The following BCL6 variants were observed in gnomAD, a reference collection of about 807,000 sequenced individuals.
The protein encoded by BCL6 is B-cell lymphoma 6 protein.
Under a neutral mutation model 59.5 loss-of-function variants are expected in BCL6, and 7 were observed. The ratio of observed to expected loss-of-function variants is 0.12; its 90% CI spans 0.07 to 0.22. The LOEUF is 0.22. Among genes scored for constraint, BCL6 ranks in the 10% least tolerant of loss-of-function variants. The probability of loss-of-function intolerance (pLI) is 1.00; values close to 1 mark genes in which losing one functional copy is unlikely to be tolerated. For synonymous variants in BCL6, 339 were observed against 349.7 expected (o/e 0.97, Z 0.34); for missense variants, 685 against 939.4 (o/e 0.73, Z 3.54).
intron 1 of BCL6, among the ~76,000 whole-genome samples, chr3:187,743,820 T>C (rs1711725581): frequency 7.3e-6 from 1 of 137,476 alleles, no homozygotes; most frequent in Admixed American, 8.1e-5. Context: ...CCGCCGCGCC[T>C]TCCCCCATTC....
At chr3:187,735,733 G>T (rs138328237) in intron 1 of BCL6, among the ~76,000 whole-genome samples, 19 of 152,002 alleles carry the variant, frequency 1.2e-4, no homozygotes, top group Admixed American at 3.9e-4. Flanking sequence ...CTTCCAAACC[G>T]GCTTCTCTAA....
At position 187,725,097 on chromosome 3, in the gene BCL6, A is replaced by AT. The variant is rs1431766861; in HGVS notation, c.1840-20dup. ...GGGCCACCTGAACGAAGAAGAAGGC[A>AT]TGAGAGGTCTTCTGGGGTGGGCTGC... On this transcript the variant is annotated intron_variant, in intron 8 of 9. Coordinates refer to ENST00000406870, the MANE Select transcript of BCL6 (RefSeq NM_001706.5). This position sits in a 1 kb window ranked among gnomAD's most constrained non-coding sequence, Gnocchi z 4.7. The AT allele has an allele frequency of 1.9e-6, 3 of 1,613,506 alleles. No homozygotes were observed. The highest frequency in any genetic ancestry group is 2.5e-6 in the Non-Finnish European group (3 of 1,179,974).
chr3:187,740,132 C>T (rs1711535086), intron 1 of BCL6, among the ~76,000 whole-genome samples: 4 of 152,162 alleles, frequency 2.6e-5, no homozygotes, highest in African/African-American at 9.7e-5. Flanking sequence ...CATGCGGACG[C>T]GCGTTTGCCA....
intron 1 of BCL6, among the ~76,000 whole-genome samples, chr3:187,745,177 T>A (rs563752205): frequency 1.3e-5 from 2 of 152,260 alleles, no homozygotes; most frequent in East Asian, 1.9e-4. Flanking sequence ...GACGTGGGAC[T>A]AATCTTCGGC....
rs547580132 is a variant in BCL6 at position 187,726,935 on chromosome 3, C to A, written c.1541-37G>T. On this transcript the variant is annotated intron_variant, in intron 6 of 9. Coordinates refer to ENST00000406870, the MANE Select transcript of BCL6 (RefSeq NM_001706.5). ...TGGTAGGGGGACACCAAAGTCAGCACGAGGAAGGGAGGTAGGGCTCTAAGG... is the reference window on the plus strand; with the variant it reads ...TGGTAGGGGGACACCAAAGTCAGCAAGAGGAAGGGAGGTAGGGCTCTAAGG... The A allele has an allele frequency of 3.1e-6, 5 of 1,608,418 alleles. No homozygotes were observed. In the East Asian group the frequency reaches 8.9e-5, roughly 29 times the overall value.
At position 187,729,885 on chromosome 3, in the gene BCL6, C is replaced by T. The variant is rs370494696; in HGVS notation, c.520G>A (p.Gly174Arg). 3.7e-6 allele frequency: 6 copies of T among 1,614,030 alleles called. No individual in the cohort carries two copies. The highest frequency in any genetic ancestry group is 5.1e-6 in the Non-Finnish European group (6 of 1,180,042). Residue 174 changes from glycine to arginine, a missense_variant, in exon 5 of 10, where the codon GGG becomes AGG. This residue lies in a region of BCL6 where 268 missense variants were observed against 263.8 expected (regional missense o/e 1.02). Transcript: ENST00000406870. This position sits in a 1 kb window ranked among gnomAD's most constrained non-coding sequence, Gnocchi z 5.6. ...GGGGCAAAGGCTCTGCTCTCACACC[C>T]AGGGGCGCTCCTCAGTGGCAGGTTG... Reference protein sequence around the residue: ...ENNLPLRSAPGCESRAFAPSL... With the variant: ...ENNLPLRSAPRCESRAFAPSL...
intron 1 of BCL6, chr3:187,736,100 C>T (rs1445715518): frequency 6.6e-6 from 1 of 152,160 alleles, no homozygotes; most frequent in East Asian, 1.9e-4. Context: ...CAAATGAGCA[C>T]TCTAAAATGA....
At chr3:187,739,668 A>G (rs556240304) in intron 1 of BCL6, among the ~76,000 whole-genome samples, 2 of 152,242 alleles carry the variant, frequency 1.3e-5, no homozygotes, top group African/African-American at 4.8e-5. Context: ...TGCAGAAGGG[A>G]CGTTCCCCAT....
intron 1 of BCL6, among the ~76,000 whole-genome samples, chr3:187,738,448 C>T (rs1560157090): frequency 6.6e-6 from 1 of 152,160 alleles, no homozygotes; most frequent in African/African-American, 2.4e-5. Flanking sequence ...GTCTTTAGAA[C>T]AGGAGCTGCC....
In BCL6 at chr3:187,725,431, C is replaced by T. The variant is rs1032985614; in HGVS notation, c.1839+68G>A. ...GCCTGCCCACTCCTCCGCTTGCCTG[C>T]CCACTCCTCCGCTCGCCTGCCCGCT... On this transcript the variant is annotated intron_variant, in intron 8 of 9. Transcript: ENST00000406870. This position sits in a 1 kb window ranked among gnomAD's most constrained non-coding sequence, Gnocchi z 4.7. 2.5e-6 allele frequency: 4 copies of T among 1,589,558 alleles called. No homozygotes were observed. Among genetic ancestry groups the T allele is most frequent in the Non-Finnish European group, 3.4e-6 (4 of 1,166,312 alleles).
intron 1 of BCL6, among the ~76,000 whole-genome samples, chr3:187,738,647 G>A (rs917853787): frequency 1.3e-5 from 2 of 152,182 alleles, no homozygotes; most frequent in Non-Finnish European, 2.9e-5. Context: ...AGCAGGCTCC[G>A]GGGTGCGCTT....
intron 1 of BCL6, among the ~76,000 whole-genome samples, chr3:187,744,540 T>G (rs180925131): frequency 2.0e-5 from 3 of 152,182 alleles, no homozygotes; most frequent in Non-Finnish European, 2.9e-5. Context: ...AAGGAAATAG[T>G]AGACACGATA....
rs149370347 is a variant in BCL6, at chr3:187,723,768, C to G, written c.1978-1167G>C. On this transcript the variant is annotated intron_variant, in intron 9 of 9. Transcript: ENST00000406870. ...GTCCCCAGCATGTCATTTCACTCTC[C>G]GGGCCTTGGATCTCCCTTCTGAATG... is the stretch of plus-strand genomic sequence containing the variant. Among the ~76,000 whole-genome samples the G allele has an allele frequency of 3.6e-3, 544 of 152,268 alleles. 8 individuals carry two copies. Among genetic ancestry groups the G allele is most frequent in the African/African-American group, 0.012 (517 of 41,516 alleles).
At chr3:187,739,526 T>A (rs1328280837) in intron 1 of BCL6, among the ~76,000 whole-genome samples, 1 of 152,176 alleles carries the variant, frequency 6.6e-6, no homozygotes, top group Non-Finnish European at 1.5e-5. Flanking sequence ...AACCGAGGTG[T>A]TCGGGGACAT....
At chr3:187,742,721 T>A (rs1711653102) in intron 1 of BCL6, among the ~76,000 whole-genome samples, 1 of 152,190 alleles carries the variant, frequency 6.6e-6, no homozygotes, top group African/African-American at 2.4e-5. Flanking sequence ...AAGACTCAAC[T>A]GCAGTCATTA....
At chr3:187,741,588 TG>T (rs891864091) in intron 1 of BCL6, among the ~76,000 whole-genome samples, 1 of 152,074 alleles carries the variant, frequency 6.6e-6, no homozygotes, top group African/African-American at 2.4e-5. Flanking sequence ...TGGTTTCCAC[TG>T]GGGCAAAGAG....
chr3:187,729,552 C>A lies in BCL6; in HGVS notation c.853G>T (p.Ala285Ser). 6.2e-7 allele frequency: 1 copy of A among 1,613,972 alleles called. No homozygotes were observed. Among genetic ancestry groups the A allele is most frequent in the Admixed American group, 1.7e-5 (1 of 60,026 alleles). ...TAGGGGGCATTTCGGGCTGAGGGGG[C>A]AGCAGGTTTGAGGCCCTCAGCCACA... is the stretch of plus-strand genomic sequence containing the variant. ...YSVAEGLKPAAPSARNAPYFP... is the reference protein window; with the variant it reads ...YSVAEGLKPASPSARNAPYFP... The change falls in exon 5 of 10, where the codon GCC becomes TCC. Residue 285 changes from alanine (A) to serine (S), a missense_variant. This residue lies in a region of BCL6 where 268 missense variants were observed against 263.8 expected (regional missense o/e 1.02). Transcript: ENST00000406870. This position sits in a 1 kb window ranked among gnomAD's most constrained non-coding sequence, Gnocchi z 5.6.
chr3:187,734,078 T>G (rs1345001692), intron 2 of BCL6, among the ~76,000 whole-genome samples: 1 of 151,738 alleles, frequency 6.6e-6, no homozygotes, highest in Non-Finnish European at 1.5e-5. Flanking sequence ...TCTCACACTG[T>G]CACCCAGGCT....
chr3:187,729,122 G>A lies in BCL6; in HGVS notation c.1283C>T (p.Pro428Leu), dbSNP rs939068114. The part of the protein sequence containing the change: ...MEPENLDLQS[P>L]TKLSASGEDS... ...CTCCCCGCTGGCACTCAGCTTGGTT[G>A]GGGACTGGAGGTCAAGGTTCTCAGG... Residue 428 changes from proline to leucine, a missense_variant, in exon 5 of 10, where the codon CCA becomes CTA. Around this residue, in one of 7 missense-constraint regions of BCL6, gnomAD observed 207 missense variants for 213.7 expected, o/e 0.97. Coordinates refer to ENST00000406870, the MANE Select transcript of BCL6 (RefSeq NM_001706.5). The surrounding 1 kb of genome is among the most constrained non-coding windows in gnomAD (Gnocchi z 5.6). 1 of 1,580,364 alleles carries A rather than the reference G, an allele frequency of 6.3e-7. No homozygotes were observed.
Sources: gnomAD v4.1 joint callset for allele counts (sites outside exome capture counted in the v4.1 genomes callset) on GRCh38, gnomAD v4.1.1 for gene constraint, gnomAD v4.1.1 regional missense constraint, Gnocchi (gnomAD v3.1) non-coding constraint, MANE v1.5 for transcripts, NCBI Gene and HGNC (gene_info 2026-07-23, HGNC 2026-07-21) for gene names.